SNX24: variants seen among roughly 807,000 people sequenced by gnomAD.
SNX24 encodes the protein sorting nexin-24.
SNX24 carries 22 observed loss-of-function variants against 28.7 expected under a neutral mutation model. The ratio of observed to expected loss-of-function variants is 0.77; its 90% confidence interval spans 0.55 to 1.10. SNX24 has a LOEUF of 1.10. Among genes scored for constraint, SNX24 ranks in the 50% least tolerant of loss-of-function variants. The pLI is 0.00. For synonymous variants in SNX24, 69 were observed against 71.5 expected (o/e 0.96, Z 0.18); for missense variants, 221 against 201.1 (o/e 1.10, Z -0.60).
intron 1 of SNX24, among the ~76,000 whole-genome samples, chr5:122,930,440 T>G (rs888478433): frequency 2.6e-5 from 4 of 152,224 alleles, no homozygotes. Flanking sequence ...TTCTGGCAAT[T>G]AGCATGTCAG....
intron 1 of SNX24, among the ~76,000 whole-genome samples, chr5:122,895,793 G>C (rs1757174837): frequency 6.6e-6 from 1 of 152,056 alleles, no homozygotes; most frequent in Admixed American, 6.6e-5. Flanking sequence ...GATTTCACTT[G>C]GAAACAAAGG....
intron 1 of SNX24, among the ~76,000 whole-genome samples, chr5:122,850,390 C>A (rs530974090): frequency 7.4e-4 from 112 of 152,254 alleles, no homozygotes; most frequent in Middle Eastern, 6.8e-3. Context: ...AGAGGCCTTA[C>A]CATCTAATAC....
chr5:122,978,166 A>G (rs1761245615), intron 3 of SNX24, among the ~76,000 whole-genome samples: 1 of 152,202 alleles, frequency 6.6e-6, no homozygotes, highest in African/African-American at 2.4e-5. Flanking sequence ...ACTAGGACAA[A>G]ATATGTTCAT....
At chr5:123,010,463 A>G (rs536224651), downstream of SNX24, among the ~76,000 whole-genome samples, 1 of 151,892 alleles carries the variant, frequency 6.6e-6, no homozygotes, top group African/African-American at 2.4e-5. Flanking sequence ...TAATTTTTGT[A>G]TTTTTAGTAG....
At chr5:122,911,277 G>T (rs1245418758) in intron 1 of SNX24, among the ~76,000 whole-genome samples, 2 of 152,194 alleles carry the variant, frequency 1.3e-5, no homozygotes, top group African/African-American at 2.4e-5. Flanking sequence ...CTTTTGAGAT[G>T]TGTCTGTTCA....
intron 1 of SNX24, among the ~76,000 whole-genome samples, chr5:122,924,815 C>T (rs1758606987): frequency 6.6e-6 from 1 of 152,150 alleles, no homozygotes; most frequent in African/African-American, 2.4e-5. Context: ...TAAGGAAATA[C>T]AGCCAGGAAG....
intron 1 of SNX24, among the ~76,000 whole-genome samples, chr5:122,867,223 C>A (rs1755761178): frequency 6.6e-6 from 1 of 152,146 alleles, no homozygotes; most frequent in Non-Finnish European, 1.5e-5. Context: ...ATGGTAAGCC[C>A]AGTGAATTCC....
intron 1 of SNX24, among the ~76,000 whole-genome samples, chr5:122,889,909 TG>T: frequency 6.6e-6 from 1 of 151,352 alleles, no homozygotes; most frequent in African/African-American, 2.4e-5. Context: ...ATAATGTCCT[TG>T]TTAGTATTTT....
intron 1 of SNX24, among the ~76,000 whole-genome samples, chr5:122,852,106 ATATC>A (rs887019413): frequency 4.7e-5 from 7 of 150,034 alleles, no homozygotes; most frequent in East Asian, 1.9e-4. Context: ...ACACACACAC[ATATC>A]TATCTATATC....
intron 1 of SNX24, among the ~76,000 whole-genome samples, chr5:122,934,963 A>G (rs1399161673): frequency 1.3e-5 from 2 of 151,654 alleles, no homozygotes; most frequent in Middle Eastern, 3.2e-3. Flanking sequence ...TGAAGCAGCC[A>G]TTGTGTAATT....
intron 1 of SNX24, among the ~76,000 whole-genome samples, chr5:122,879,491 T>C (rs1756381173): frequency 1.3e-5 from 2 of 152,202 alleles, no homozygotes; most frequent in South Asian, 4.1e-4. Flanking sequence ...TGCCCTGTCC[T>C]TAAGTAAATG....
At chr5:122,959,852 A>C (rs138974321) in intron 3 of SNX24, among the ~76,000 whole-genome samples, 203 of 152,292 alleles carry the variant, frequency 1.3e-3, no homozygotes, top group African/African-American at 4.7e-3. Context: ...GGCAAAAGAA[A>C]GAGAAAGGAA....
At chr5:122,951,903 A>G (rs1759959869) in intron 3 of SNX24, among the ~76,000 whole-genome samples, 1 of 152,158 alleles carries the variant, frequency 6.6e-6, no homozygotes, top group Non-Finnish European at 1.5e-5. Context: ...AGCTGAAAAC[A>G]AGTAGATCCA....
At chr5:123,001,339 T>C (rs756293009) in intron 4 of SNX24, 66 bp from the exon 5 acceptor site, 4 of 1,070,852 alleles carry the variant, frequency 3.7e-6, no homozygotes, top group Non-Finnish European at 5.7e-6. Flanking sequence ...TTTTTTCCTT[T>C]GTTGGCATAA....
At chr5:122,896,719 A>G (rs1757218907) in intron 1 of SNX24, among the ~76,000 whole-genome samples, 1 of 152,190 alleles carries the variant, frequency 6.6e-6, no homozygotes, top group Non-Finnish European at 1.5e-5. Context: ...AAAGTCTTAT[A>G]AGTCTTGCCT....
At chr5:122,991,999 A>G (rs1761872286) in intron 3 of SNX24, among the ~76,000 whole-genome samples, 1 of 152,224 alleles carries the variant, frequency 6.6e-6, no homozygotes, top group South Asian at 2.1e-4. Flanking sequence ...AAATATTCCA[A>G]TAAAATTAAA....
exon 6 of SNX24, chr5:123,029,308 T>C: frequency 6.2e-7 from 1 of 1,614,088 alleles, no homozygotes; most frequent in Non-Finnish European, 8.5e-7. Flanking sequence ...GACATACCTC[T>C]CCTGTTGCTA....
intron 3 of SNX24, among the ~76,000 whole-genome samples, chr5:122,976,049 A>G (rs115049617): frequency 2.6e-3 from 402 of 152,302 alleles, no homozygotes; most frequent in Non-Finnish European, 4.7e-3. Flanking sequence ...TTAAAAATGT[A>G]TTGGAATATT....
chr5:122,885,514 T>G lies in SNX24; in HGVS notation c.60+39821T>G, dbSNP rs189996021. Among the ~76,000 whole-genome samples, 638 of 152,110 alleles carry G rather than the reference T, an allele frequency of 4.2e-3. 16 individuals carry two copies. Among genetic ancestry groups the G allele is most frequent in the East Asian group, 1.9e-3 (10 of 5,160 alleles). ...CCCCCTTCTAATGCCTTACTATCTG[T>G]GACAGTTTTTGGTGTACTGAAAGCA... On this transcript the variant is annotated intron_variant, in intron 1 of 6. Transcript: ENST00000261369.
Sources: allele counts gnomAD v4.1 joint callset (sites outside exome capture counted in the v4.1 genomes callset), GRCh38; gene constraint gnomAD v4.1.1; transcripts MANE v1.5; gene names NCBI Gene and HGNC (gene_info 2026-07-23, HGNC 2026-07-21).